The following PCNX2 variants were observed in gnomAD, a reference collection of about 807,000 sequenced individuals.
PCNX2 encodes the protein pecanex-like protein 2.
In PCNX2, 168 loss-of-function variants were observed where a neutral mutation model predicts 223.8. That is an observed-to-expected ratio of 0.75 (90% CI 0.66 to 0.85). PCNX2 has a LOEUF of 0.85. Ranked by LOEUF, PCNX2 falls within the 40% of genes least tolerant of loss-of-function variation. The pLI is 0.00. For missense variants in PCNX2, 2,507 were observed against 2,675.5 expected, an observed-to-expected ratio of 0.94 and a Z score of 1.39; for synonymous variants, 1,006 against 1,052.6, an observed-to-expected ratio of 0.96 and a Z score of 0.86.
chr1:233,088,861 TG>T (rs1282143285), intron 23 of PCNX2, among the ~76,000 whole-genome samples: 1 of 152,232 alleles, frequency 6.6e-6, no homozygotes, highest in Non-Finnish European at 1.5e-5. Context: ...GTGCTTACTT[TG>T]TGGCAGCCCC....
chr1:233,136,961 T>A (rs1242555238), intron 20 of PCNX2, among the ~76,000 whole-genome samples: 1 of 152,178 alleles, frequency 6.6e-6, no homozygotes, highest in Non-Finnish European at 1.5e-5. Context: ...CCATTTTATG[T>A]TTAGTAGGGA....
intron 32 of PCNX2, among the ~76,000 whole-genome samples, chr1:232,987,235 G>T (rs1029379790): frequency 2.0e-5 from 3 of 152,192 alleles, no homozygotes; most frequent in African/African-American, 7.2e-5. Flanking sequence ...TCTAGACAAG[G>T]CCATTTTTGA....
chr1:233,178,332 T>G (rs1679602022), intron 16 of PCNX2, among the ~76,000 whole-genome samples: 2 of 152,340 alleles, frequency 1.3e-5, no homozygotes, highest in East Asian at 3.9e-4. Context: ...TTATGGTGTC[T>G]CTGGTCTTCA....
At chr1:233,019,902 C>T (rs764146245) in intron 26 of PCNX2, among the ~76,000 whole-genome samples, 2 of 152,098 alleles carry the variant, frequency 1.3e-5, no homozygotes, top group Non-Finnish European at 2.9e-5. Flanking sequence ...TAACGATGCC[C>T]ATGTCCACGA....
the PCNX2 span, among the ~76,000 whole-genome samples, chr1:233,315,041 C>T: frequency 6.6e-6 from 1 of 152,196 alleles, no homozygotes; most frequent in Non-Finnish European, 1.5e-5. Context: ...AACATCCATA[C>T]ATTCAGGAAG....
the PCNX2 span, among the ~76,000 whole-genome samples, chr1:233,319,835 A>C: frequency 6.6e-6 from 1 of 152,210 alleles, no homozygotes; most frequent in South Asian, 2.1e-4. Flanking sequence ...CATCTAAAAT[A>C]TTTATTTATA....
At chr1:233,076,420 T>A (rs1187209141) in intron 23 of PCNX2, among the ~76,000 whole-genome samples, 2 of 152,168 alleles carry the variant, frequency 1.3e-5, no homozygotes, top group African/African-American at 4.8e-5. Flanking sequence ...TCAGCTGTGA[T>A]GAGTTAAGTC....
intron 22 of PCNX2, among the ~76,000 whole-genome samples, chr1:233,093,946 G>A (rs909598938): frequency 1.1e-4 from 16 of 152,112 alleles, no homozygotes; most frequent in Non-Finnish European, 1.9e-4. Context: ...AAATCCTAAC[G>A]CTGTCTTTAT....
rs753173428 is a variant in PCNX2, at chr1:233,001,518, A to C, written c.5097+19T>G. 28 of 1,252,888 alleles carry C rather than the reference A, an allele frequency of 2.2e-5. No homozygotes were observed. The South Asian group carries it at 7.6e-4, about 34-fold the overall frequency. 77.6% of individuals were successfully genotyped at this position (1,252,888 alleles called of 1,614,324 possible). ...TAAATAAATAAATAAATAAATAAAT[A>C]AATAAAATAGGTTTTTACCTGGTGA... On this transcript the variant is annotated intron_variant, in intron 29 of 33. Transcript: ENST00000258229. The surrounding 1 kb of genome is among the most constrained non-coding windows in gnomAD (Gnocchi z 4.2).
rs368643677 is a variant in PCNX2, at chr1:233,141,799, G to GTGTGTGTGTGTGTGTA, written c.3518-1945_3518-1944insTACACACACACACACA. Among the ~76,000 whole-genome samples, 733 of 150,410 alleles carry GTGTGTGTGTGTGTGTA rather than the reference G, an allele frequency of 4.9e-3. 6 individuals are homozygous for GTGTGTGTGTGTGTGTA. Among genetic ancestry groups the GTGTGTGTGTGTGTGTA allele is most frequent in the Non-Finnish European group, 5.8e-3 (395 of 67,528 alleles). ...TGTGTGTGTGTGTGTGTGTGTGTGT[G>GTGTGTGTGTGTGTGTA]TATATGAAGAGAGACTTGGCATTTA... On this transcript the variant is annotated intron_variant, in intron 19 of 33. Transcript: ENST00000258229.
At chr1:233,293,712 A>G (rs1661905501) in intron 1 of PCNX2, among the ~76,000 whole-genome samples, 1 of 152,230 alleles carries the variant, frequency 6.6e-6, no homozygotes. Context: ...GACAGGTACT[A>G]AGAAGTACTT....
intron 25 of PCNX2, chr1:233,031,921 CACCATA>C (rs1202825097): frequency 5.1e-6 from 5 of 984,796 alleles, no homozygotes; most frequent in Non-Finnish European, 6.0e-6. Context: ...GAGTAATGAC[CACCATA>C]ACCTGACTGC....
chr1:233,221,834 G>A (rs955605094), intron 10 of PCNX2, among the ~76,000 whole-genome samples: 1 of 152,180 alleles, frequency 6.6e-6, no homozygotes, highest in African/African-American at 2.4e-5. Context: ...TTAAAAACCT[G>A]AGAAGTAAAG....
intron 25 of PCNX2, among the ~76,000 whole-genome samples, chr1:233,051,673 C>A (rs1036897512): frequency 6.6e-6 from 1 of 152,038 alleles, no homozygotes; most frequent in Non-Finnish European, 1.5e-5. Context: ...CAGAAGGCAA[C>A]AATAGACACT....
At chr1:233,037,864 T>A (rs1272901651) in intron 25 of PCNX2, among the ~76,000 whole-genome samples, 7 of 152,242 alleles carry the variant, frequency 4.6e-5, no homozygotes. Flanking sequence ...AAATGTGTTA[T>A]AATACCTTTA....
chr1:233,088,591 A>T (rs1005298131), intron 23 of PCNX2, among the ~76,000 whole-genome samples: 7 of 152,162 alleles, frequency 4.6e-5, no homozygotes, highest in Non-Finnish European at 1.0e-4. Context: ...TTTCAAGACA[A>T]CTTTACTTTT....
intron 23 of PCNX2, among the ~76,000 whole-genome samples, chr1:233,080,018 C>T (rs1048237905): frequency 1.2e-4 from 19 of 152,118 alleles, no homozygotes; most frequent in Non-Finnish European, 2.9e-5. Context: ...TTGTTTGTTT[C>T]CCACTTGCCT....
At chr1:233,219,140 G>A (rs1657213597) in intron 10 of PCNX2, among the ~76,000 whole-genome samples, 1 of 152,136 alleles carries the variant, frequency 6.6e-6, no homozygotes, top group Non-Finnish European at 1.5e-5. Context: ...AGGTGGGTAT[G>A]CAAAGGACAA....
intron 1 of PCNX2, among the ~76,000 whole-genome samples, chr1:233,265,739 T>G (rs1031222661): frequency 6.6e-5 from 10 of 152,084 alleles, no homozygotes; most frequent in African/African-American, 2.4e-4. Flanking sequence ...TCATGAGGAA[T>G]CTTCCATTCA....
Sources: allele counts gnomAD v4.1 joint callset (sites outside exome capture counted in the v4.1 genomes callset), GRCh38; gene constraint gnomAD v4.1.1; non-coding constraint Gnocchi (gnomAD v3.1); transcripts MANE v1.5; gene names NCBI Gene and HGNC (gene_info 2026-07-23, HGNC 2026-07-21).